The following SNX4 variants were observed in gnomAD, a reference collection of about 807,000 sequenced individuals.
The protein encoded by SNX4 is sorting nexin 4.
A neutral mutation model predicts 70.8 loss-of-function variants in SNX4; 49 were observed. That is an observed-to-expected ratio of 0.69 (90% CI 0.55 to 0.88). The LOEUF (loss-of-function observed/expected upper bound fraction) is 0.88. Ranked by LOEUF, SNX4 falls within the 40% of genes least tolerant of loss-of-function variation. The probability of loss-of-function intolerance (pLI) is 0.00; values close to 1 mark genes in which losing one functional copy is unlikely to be tolerated. For missense variants in SNX4, 528 were observed against 544.8 expected (o/e 0.97, Z 0.31); for synonymous variants, 206 against 183.8 (o/e 1.12, Z -0.98).
Position 125,489,036 on chromosome 3 carries a change from C to T in SNX4, c.653+372G>A, listed in dbSNP as rs376217358. Among the ~76,000 whole-genome samples the T allele has an allele frequency of 3.3e-4, 50 of 152,162 alleles. No homozygotes were observed. In the East Asian group the frequency reaches 5.2e-3, roughly 16 times the overall value. On this transcript the variant is annotated intron_variant, in intron 6 of 13. Transcript: ENST00000251775. ...AAATTTTCTTGGTATACAAACTAGA[C>T]GGTTCATTATTAAGTATATGTAAAA... is the stretch of plus-strand genomic sequence containing the variant.
chr3:125,508,365 AGACCATCCT>A (rs562076614), intron 1 of SNX4, among the ~76,000 whole-genome samples: 368 of 152,226 alleles, frequency 2.4e-3, no homozygotes, highest in African/African-American at 8.5e-3. Flanking sequence ...CAGGAGATTG[AGACCATCCT>A]GGCTAACACG....
chr3:125,466,955 T>C (rs1050132970), intron 9 of SNX4, among the ~76,000 whole-genome samples: 1 of 150,958 alleles, frequency 6.6e-6, no homozygotes, highest in African/African-American at 2.4e-5. Context: ...TGGTGGCACA[T>C]GTCTGTAGTC....
chr3:125,489,574 C>T, intron 5 of SNX4, 111 bp from the exon 6 acceptor site: 1 of 821,962 alleles, frequency 1.2e-6, no homozygotes, highest in Non-Finnish European at 2.0e-6. Context: ...TTCTTCATAT[C>T]AATTGTTGTA....
chr3:125,476,369 C>T (rs1235000317), intron 8 of SNX4, among the ~76,000 whole-genome samples: 2 of 150,508 alleles, frequency 1.3e-5, no homozygotes, highest in African/African-American at 4.9e-5. Flanking sequence ...GTCAGGAGTT[C>T]GAGACCAGCC....
chr3:125,502,757 G>C (rs1934957080), intron 2 of SNX4, among the ~76,000 whole-genome samples: 2 of 150,568 alleles, frequency 1.3e-5, no homozygotes, highest in African/African-American at 2.4e-5. Flanking sequence ...GGGAGGCTAA[G>C]GCAGGTGAAT....
chr3:125,482,540 C>T (rs1474223143), intron 6 of SNX4, among the ~76,000 whole-genome samples: 1 of 151,970 alleles, frequency 6.6e-6, no homozygotes, highest in Non-Finnish European at 1.5e-5. Flanking sequence ...GACTGGCCTC[C>T]TAGCCCACTC....
Position 125,489,463 on chromosome 3 carries a change from C to T in SNX4, c.598G>A (p.Ala200Thr), listed in dbSNP as rs1219898433. 1.9e-6 allele frequency: 3 copies of T among 1,611,234 alleles called. No individual in the cohort carries two copies. Among genetic ancestry groups the T allele is most frequent in the Non-Finnish European group, 2.5e-6 (3 of 1,178,136 alleles). Residue 200 changes from alanine (A) to threonine (T), a missense_variant and splice_region_variant, in exon 6 of 14, where the codon GCA becomes ACA. By Grantham distance (58) the Ala-to-Thr change is moderately conservative. This residue lies in a region of SNX4 where 341 missense variants were observed against 312.2 expected (regional missense o/e 1.09). Coordinates refer to ENST00000251775, the MANE Select transcript of SNX4 (RefSeq NM_003794.4). ...TTAAGCGCTTTTAACCTGGAGTCTG[C>T]CTGGAAAAAATAATTTGTTCACTTA... is the stretch of plus-strand genomic sequence containing the variant. ...TVNETGFQLK[A>T]DSRLKALNAT...
At chr3:125,472,888 T>C (rs1167479994) in intron 8 of SNX4, among the ~76,000 whole-genome samples, 1 of 152,056 alleles carries the variant, frequency 6.6e-6, no homozygotes, top group Admixed American at 6.6e-5. Flanking sequence ...ACCTTCCCTA[T>C]CTTCTCCCTT....
chr3:125,477,197 G>A (rs991696923), intron 7 of SNX4, among the ~76,000 whole-genome samples: 1 of 152,000 alleles, frequency 6.6e-6, no homozygotes, highest in Non-Finnish European at 1.5e-5. Flanking sequence ...CCCTCAGATT[G>A]TTTCCTTATA....
intron 1 of SNX4, among the ~76,000 whole-genome samples, chr3:125,511,102 C>T (rs745554607): frequency 2.0e-4 from 30 of 152,098 alleles, no homozygotes; most frequent in Admixed American, 1.3e-3. Flanking sequence ...TTAGTTGAGA[C>T]GGAGTTTCTC....
chr3:125,480,390 C>G (rs899016192), intron 6 of SNX4, 71 bp from the exon 7 acceptor site: 6 of 901,142 alleles, frequency 6.7e-6, no homozygotes, highest in Middle Eastern at 2.3e-4. Flanking sequence ...AAGAAAAAAA[C>G]AGTAGTTCCC....
At chr3:125,487,266 G>A (rs1934552092) in intron 6 of SNX4, among the ~76,000 whole-genome samples, 1 of 152,028 alleles carries the variant, frequency 6.6e-6, no homozygotes, top group Non-Finnish European at 1.5e-5. Flanking sequence ...AACAAATCCT[G>A]TTACTAATTA....
chr3:125,454,229 C>T (rs932665407), intron 11 of SNX4, among the ~76,000 whole-genome samples: 3 of 152,206 alleles, frequency 2.0e-5, no homozygotes, highest in Non-Finnish European at 2.9e-5. Context: ...CCCAGAGCCA[C>T]GGAGTGATAC....
chr3:125,502,318 C>T (rs1169583813), intron 2 of SNX4, among the ~76,000 whole-genome samples: 1 of 151,286 alleles, frequency 6.6e-6, no homozygotes, highest in Non-Finnish European at 1.5e-5. Context: ...CTCTCATTTC[C>T]TAAACTTCTT....
chr3:125,508,474 G>T (rs1369877170), intron 1 of SNX4, among the ~76,000 whole-genome samples: 4 of 151,614 alleles, frequency 2.6e-5, no homozygotes, highest in Non-Finnish European at 5.9e-5. Flanking sequence ...GGCTGAGGCA[G>T]AAGAATGGCG....
chr3:125,454,575 C>A (rs147229842), intron 11 of SNX4, among the ~76,000 whole-genome samples: 3 of 152,300 alleles, frequency 2.0e-5, no homozygotes, highest in Admixed American at 6.5e-5. Context: ...AGGTTACATG[C>A]AAATACTACA....
intron 10 of SNX4, among the ~76,000 whole-genome samples, chr3:125,457,572 C>CTTTTT (rs1005344428): frequency 5.4e-5 from 6 of 110,412 alleles, no homozygotes; most frequent in Non-Finnish European, 9.1e-5. Flanking sequence ...TTCATATATT[C>CTTTTT]TTTTTTTTTT....
At chr3:125,450,533 G>C (rs1933546069) in intron 13 of SNX4, among the ~76,000 whole-genome samples, 1 of 152,184 alleles carries the variant, frequency 6.6e-6, no homozygotes, top group Admixed American at 6.5e-5. Flanking sequence ...GCATGTAAAA[G>C]TGCTTGATAA....
At chr3:125,503,715 G>C (rs140731340) in intron 2 of SNX4, among the ~76,000 whole-genome samples, 10 of 152,168 alleles carry the variant, frequency 6.6e-5, no homozygotes, top group African/African-American at 1.9e-4. Context: ...TTCTTTTACA[G>C]AATTGCACAG....
Sources: allele counts gnomAD v4.1 joint callset (sites outside exome capture counted in the v4.1 genomes callset), GRCh38; gene constraint gnomAD v4.1.1; regional missense constraint gnomAD v4.1.1; transcripts MANE v1.5; gene names NCBI Gene and HGNC (gene_info 2026-07-23, HGNC 2026-07-21).